The following PEX7 variants were observed in gnomAD, a reference collection of about 807,000 sequenced individuals.
The protein encoded by PEX7 is PTS2 receptor.
A neutral mutation model predicts 47.5 loss-of-function variants in PEX7; 34 were observed. The observed-to-expected ratio is 0.72, with a 90% confidence interval of 0.54 to 0.95. The LOEUF is 0.95. Ranked by LOEUF, PEX7 falls within the 40% of genes least tolerant of loss-of-function variation. PEX7 has a pLI of 0.00. For missense variants in PEX7, 394 were observed against 400.3 expected, an observed-to-expected ratio of 0.98 and a Z score of 0.13; for synonymous variants, 141 against 148.8, an observed-to-expected ratio of 0.95 and a Z score of 0.38.
intron 9 of PEX7, 132 bp from the exon 10 acceptor site, chr6:136,913,326 T>C (rs747730908): frequency 8.9e-5 from 63 of 711,518 alleles, no homozygotes; most frequent in Non-Finnish European, 1.5e-4. Context: ...CGTAGCCCTA[T>C]GTTTTCCCTA....
At chr6:136,888,462 T>C (rs965253645) in intron 8 of PEX7, among the ~76,000 whole-genome samples, 1 of 152,164 alleles carries the variant, frequency 6.6e-6, no homozygotes, top group African/African-American at 2.4e-5. Flanking sequence ...TATCACCGTT[T>C]TTTGCTTTGT....
chr6:136,834,103 G>C (rs138741776), intron 3 of PEX7, among the ~76,000 whole-genome samples: 9 of 152,376 alleles, frequency 5.9e-5, no homozygotes, highest in Admixed American at 1.3e-4. Context: ...ACCAGGGACT[G>C]CCACAGAAGA....
intron 8 of PEX7, among the ~76,000 whole-genome samples, chr6:136,896,589 G>A (rs1427745984): frequency 6.6e-6 from 1 of 152,096 alleles, no homozygotes; most frequent in African/African-American, 2.4e-5. Context: ...CTGCTAGAAA[G>A]CTTAGCATCT....
At chr6:136,869,738 C>G in intron 6 of PEX7, 152 bp from the exon 7 acceptor site, 1 of 738,076 alleles carries the variant, frequency 1.4e-6, no homozygotes, top group Non-Finnish European at 2.5e-6. Flanking sequence ...TATGTTGATT[C>G]CTGTCTATAC....
chr6:136,879,992 T>G (rs559607417), intron 8 of PEX7, among the ~76,000 whole-genome samples: 22 of 152,330 alleles, frequency 1.4e-4, no homozygotes, highest in African/African-American at 3.6e-4. Context: ...CTTCTGTTTT[T>G]GTCCACTTCT....
intron 6 of PEX7, 105 bp from the exon 7 acceptor site, chr6:136,869,785 A>G: frequency 1.1e-6 from 1 of 874,276 alleles, no homozygotes; most frequent in Non-Finnish European, 2.0e-6. Flanking sequence ...TCCTTGGTTC[A>G]TATTAAATAG....
Position 136,866,468 on chromosome 6 carries a change from T to A in PEX7, c.527-159T>A, listed in dbSNP as rs1884939. Among the ~76,000 whole-genome samples the A allele has an allele frequency of 0.41, 61,946 of 152,120 alleles. 13,350 individuals carry two copies. The highest frequency in any genetic ancestry group is 0.51 in the South Asian group (2,459 of 4,818). On this transcript the variant is annotated intron_variant, in intron 5 of 9. Transcript: ENST00000318471. ...TTTTTGTATTCCTTCATTTGAATAG[T>A]TCCTATACATTATTATGGTTTAAAA...
chr6:136,865,670 T>TG (rs1388566861), intron 5 of PEX7, among the ~76,000 whole-genome samples: 1 of 150,644 alleles, frequency 6.6e-6, no homozygotes, highest in Non-Finnish European at 1.5e-5. Flanking sequence ...CCCAGCTACT[T>TG]GGGGGGCTGA....
chr6:136,890,627 A>T (rs1393179568), intron 8 of PEX7, among the ~76,000 whole-genome samples: 1 of 152,020 alleles, frequency 6.6e-6, no homozygotes, highest in African/African-American at 2.4e-5. Context: ...AATAAAGGAG[A>T]TCCTTGTAAG....
At chr6:136,904,991 T>C (rs1775821045) in intron 9 of PEX7, among the ~76,000 whole-genome samples, 1 of 152,236 alleles carries the variant, frequency 6.6e-6, no homozygotes, top group Non-Finnish European at 1.5e-5. Flanking sequence ...ATTTGGGCTC[T>C]TGGTCCTACT....
chr6:136,822,609 T>A lies in PEX7; in HGVS notation c.-57T>A. The A allele has an allele frequency of 6.8e-7, 1 of 1,480,274 alleles. No homozygotes were observed. 91.7% of individuals were successfully genotyped at this position (1,480,274 alleles called of 1,614,324 possible). ...GTCTCTCTAACCGCGCCAGTGTGCC[T>A]CCGACTCGGAACGGCTTCCGCGGCC... On this transcript the variant is annotated 5_prime_UTR_variant, in exon 1 of 10. Coordinates refer to ENST00000318471, the MANE Select transcript of PEX7 (RefSeq NM_000288.4).
chr6:136,829,225 A>G (rs904265547), intron 3 of PEX7, among the ~76,000 whole-genome samples: 5 of 152,216 alleles, frequency 3.3e-5, no homozygotes, highest in African/African-American at 1.2e-4. Flanking sequence ...GCTGTAACAA[A>G]GTATTATAGA....
chr6:136,846,500 C>G (rs988259517), intron 5 of PEX7, among the ~76,000 whole-genome samples: 3 of 152,208 alleles, frequency 2.0e-5, no homozygotes, highest in East Asian at 1.9e-4. Context: ...CCCCTTCCCC[C>G]ACCCCATGAC....
intron 8 of PEX7, among the ~76,000 whole-genome samples, chr6:136,891,632 A>G (rs1226922932): frequency 6.6e-6 from 1 of 151,792 alleles, no homozygotes; most frequent in African/African-American, 2.4e-5. Context: ...GTTTAACTCT[A>G]TAAAATTGTT....
intron 9 of PEX7, among the ~76,000 whole-genome samples, chr6:136,904,019 G>C (rs1775798848): frequency 6.6e-6 from 1 of 151,950 alleles, no homozygotes; most frequent in Admixed American, 6.6e-5. Flanking sequence ...AACCTCTATT[G>C]CCATAATCTT....
At chr6:136,899,080 C>CTTTTTTTTTTTTTT (rs71547049) in intron 9 of PEX7, among the ~76,000 whole-genome samples, 1 of 111,978 alleles carries the variant, frequency 8.9e-6, no homozygotes. Context: ...TTTTTCTTTT[C>CTTTTTTTTTTTTTT]TTTTTTTTTT....
intron 5 of PEX7, among the ~76,000 whole-genome samples, chr6:136,850,843 G>A (rs1177532708): frequency 1.3e-5 from 2 of 148,502 alleles, no homozygotes; most frequent in African/African-American, 4.9e-5. Flanking sequence ...AGAGCACCTA[G>A]GAAAGACTAA....
chr6:136,898,902 AGT>A (rs1018268017), intron 9 of PEX7, among the ~76,000 whole-genome samples: 3 of 152,022 alleles, frequency 2.0e-5, no homozygotes, highest in African/African-American at 7.2e-5. Context: ...TTAAATACAG[AGT>A]GTGTGAAAGA....
At chr6:136,870,472 G>A (rs1436742395) in intron 7 of PEX7, among the ~76,000 whole-genome samples, 1 of 152,138 alleles carries the variant, frequency 6.6e-6, no homozygotes, top group Admixed American at 6.5e-5. Flanking sequence ...AACAGCAGAG[G>A]ATGAGGTAAA....
Sources: allele counts gnomAD v4.1 joint callset (sites outside exome capture counted in the v4.1 genomes callset), GRCh38; gene constraint gnomAD v4.1.1; transcripts MANE v1.5; gene names NCBI Gene and HGNC (gene_info 2026-07-23, HGNC 2026-07-21).